Variants in GPC4 observed in about 807,000 individuals in gnomAD.
GPC4 encodes glypican 4.
Under a neutral mutation model 35.0 loss-of-function variants are expected in GPC4, and 10 were observed. The ratio of observed to expected loss-of-function variants is 0.29; its 90% CI spans 0.18 to 0.48. GPC4 has a LOEUF of 0.48. Among genes scored for constraint, GPC4 ranks in the 20% least tolerant of loss-of-function variants. The pLI is 0.99. For synonymous variants in GPC4, 167 were observed against 170.2 expected, an observed-to-expected ratio of 0.98 and a Z score of 0.15; for missense variants, 322 against 451.3, an observed-to-expected ratio of 0.71 and a Z score of 2.60.
chrX:133,319,023 A>G (rs1277108167), intron 3 of GPC4, among the ~76,000 whole-genome samples: 1 of 112,391 alleles, frequency 8.9e-6, no homozygotes, highest in African/African-American at 3.2e-5. Flanking sequence ...TAATCAAATC[A>G]TTGCTCAACT....
At chrX:133,358,684 C>T (rs774261789) in intron 1 of GPC4, among the ~76,000 whole-genome samples, 16 of 111,746 alleles carry the variant, frequency 1.4e-4, no homozygotes, top group Non-Finnish European at 2.6e-4. Context: ...CTCTCTGTAC[C>T]ATTGTGATGC....
At chrX:133,333,116 G>A (rs772417883) in intron 2 of GPC4, among the ~76,000 whole-genome samples, 1 of 112,275 alleles carries the variant, frequency 8.9e-6, no homozygotes, top group Non-Finnish European at 1.9e-5. Context: ...TCAATCAATC[G>A]GTTGGAGTCA....
At chrX:133,372,602 C>A (rs909938411) in intron 1 of GPC4, among the ~76,000 whole-genome samples, 1 of 111,654 alleles carries the variant, frequency 9.0e-6, no homozygotes, top group African/African-American at 3.3e-5. Flanking sequence ...TGGAATTTTG[C>A]GAAGCCCTTT....
intron 2 of GPC4, among the ~76,000 whole-genome samples, chrX:133,328,730 G>A (rs7876864): frequency 0.37 from 40,985 of 110,167 alleles, 6,438 homozygotes; most frequent in African/African-American, 0.6. Context: ...CATTATGCCT[G>A]AAACTAATTA....
At chrX:133,346,748 T>C (rs750954063) in intron 1 of GPC4, among the ~76,000 whole-genome samples, 1 of 111,918 alleles carries the variant, frequency 8.9e-6, no homozygotes, top group South Asian at 3.8e-4. Flanking sequence ...GGAAGGAAAT[T>C]CGGATACATG....
At chrX:133,339,865 G>A (rs766651854) in intron 1 of GPC4, among the ~76,000 whole-genome samples, 8 of 112,096 alleles carry the variant, frequency 7.1e-5, no homozygotes, top group Non-Finnish European at 1.3e-4. Context: ...CCAGCAAAGA[G>A]GAAACTATAG....
At chrX:133,365,717 T>C (rs1219498852) in intron 1 of GPC4, among the ~76,000 whole-genome samples, 4 of 112,451 alleles carry the variant, frequency 3.6e-5, no homozygotes, top group Admixed American at 9.5e-5. Flanking sequence ...ATTAAAGATA[T>C]AAAAGTTAGA....
intron 1 of GPC4, among the ~76,000 whole-genome samples, chrX:133,362,913 G>A (rs1174420418): frequency 8.9e-6 from 1 of 111,768 alleles, no homozygotes; most frequent in Admixed American, 9.5e-5. Flanking sequence ...CAAAGAACAG[G>A]TAAATCCGGA....
intron 3 of GPC4, 89 bp from the exon 4 acceptor site, chrX:133,311,512 C>T: frequency 1.2e-6 from 1 of 864,070 alleles, no homozygotes; most frequent in Non-Finnish European, 1.7e-6. Context: ...GAAGGCTTGG[C>T]CATGAACTTA....
intron 1 of GPC4, among the ~76,000 whole-genome samples, chrX:133,388,192 C>T (rs753027214): frequency 1.8e-5 from 2 of 112,096 alleles, no homozygotes; most frequent in African/African-American, 3.2e-5. Context: ...AAAAGCTTCA[C>T]GGTGAAAAGA....
At chrX:133,411,792 A>C (rs758972338) in intron 1 of GPC4, among the ~76,000 whole-genome samples, 6 of 111,077 alleles carry the variant, frequency 5.4e-5, no homozygotes, top group African/African-American at 1.3e-4. Flanking sequence ...ATCCCTTTTG[A>C]TCATGGCACC....
intron 1 of GPC4, among the ~76,000 whole-genome samples, chrX:133,345,291 G>C (rs891774569): frequency 8.0e-5 from 9 of 112,042 alleles, no homozygotes; most frequent in African/African-American, 2.6e-4. Context: ...TGAAAACAAG[G>C]AGGCATTATG....
At chrX:133,368,459 TC>T in intron 1 of GPC4, among the ~76,000 whole-genome samples, 1 of 111,515 alleles carries the variant, frequency 9.0e-6, no homozygotes, top group African/African-American at 3.3e-5. Flanking sequence ...GGGAAGGTTT[TC>T]AATTCATAAA....
chrX:133,336,715 A>C (rs755503774), intron 2 of GPC4, among the ~76,000 whole-genome samples: 1 of 110,808 alleles, frequency 9.0e-6, no homozygotes, highest in Non-Finnish European at 1.9e-5. Context: ...CAGTATATTG[A>C]TCTCCAGATC....
chrX:133,355,074 C>T (rs923360211), intron 1 of GPC4, among the ~76,000 whole-genome samples: 1 of 111,957 alleles, frequency 8.9e-6, no homozygotes, highest in African/African-American at 3.2e-5. Flanking sequence ...AATGAACTGC[C>T]TAAATAAGAA....
chrX:133,387,091 A>T (rs1305601929), intron 1 of GPC4, among the ~76,000 whole-genome samples: 1 of 112,046 alleles, frequency 8.9e-6, no homozygotes, highest in Non-Finnish European at 1.9e-5. Flanking sequence ...CTGACATGGG[A>T]TTCAACTGTA....
chrX:133,362,385 T>C (rs1476296009), intron 1 of GPC4, among the ~76,000 whole-genome samples: 2 of 111,300 alleles, frequency 1.8e-5, no homozygotes, highest in Non-Finnish European at 3.8e-5. Flanking sequence ...AACATAAACA[T>C]AATACAAATG....
chrX:133,378,162 A>G (rs2068643766), intron 1 of GPC4, among the ~76,000 whole-genome samples: 1 of 111,334 alleles, frequency 9.0e-6, no homozygotes, highest in South Asian at 3.7e-4. Flanking sequence ...CTGGGATTAC[A>G]GGCATGAGCC....
intron 2 of GPC4, among the ~76,000 whole-genome samples, chrX:133,332,848 A>T (rs925914428): frequency 1.8e-5 from 2 of 112,636 alleles, no homozygotes; most frequent in Non-Finnish European, 3.8e-5. Context: ...ATAAGTGTTT[A>T]TGCAGATCTT....
Sources: allele counts gnomAD v4.1 joint callset (sites outside exome capture counted in the v4.1 genomes callset), GRCh38; gene constraint gnomAD v4.1.1; transcripts MANE v1.5; gene names NCBI Gene and HGNC (gene_info 2026-07-23, HGNC 2026-07-21).